LRRC7: variants seen among roughly 807,000 people sequenced by gnomAD.
LRRC7 encodes leucine-rich repeat-containing protein 7.
In LRRC7, 23 loss-of-function variants were observed where a neutral mutation model predicts 175.7. That is an observed-to-expected ratio of 0.13 (90% confidence interval 0.09 to 0.19). The LOEUF is 0.19. Ranked by LOEUF, LRRC7 falls within the 10% of genes least tolerant of loss-of-function variation. The pLI is 1.00. For missense variants in LRRC7, 1,354 were observed against 1,904.7 expected, an observed-to-expected ratio of 0.71 and a Z score of 5.38; for synonymous variants, 685 against 680.9, an observed-to-expected ratio of 1.01 and a Z score of -0.09.
intron 7 of LRRC7, among the ~76,000 whole-genome samples, chr1:69,884,827 G>T (rs1197563754): frequency 4.2e-4 from 60 of 143,432 alleles, no homozygotes; most frequent in African/African-American, 1.6e-3. Context: ...TAGCATGAAG[G>T]GTTTTTGAAT....
chr1:69,603,847 A>G (rs1388555699), intron 1 of LRRC7, among the ~76,000 whole-genome samples: 1 of 152,106 alleles, frequency 6.6e-6, no homozygotes, highest in African/African-American at 2.4e-5. Flanking sequence ...AGGAAGCACA[A>G]TAACCACTCC....
intron 7 of LRRC7, 70 bp downstream of exon 7, chr1:69,838,353 T>C: frequency 1.6e-6 from 2 of 1,267,706 alleles, no homozygotes; most frequent in Non-Finnish European, 2.3e-6. Context: ...TAACTACTTT[T>C]ATTTTGTCTG....
intron 7 of LRRC7, among the ~76,000 whole-genome samples, chr1:69,867,213 T>C (rs1685044444): frequency 6.6e-6 from 1 of 152,220 alleles, no homozygotes; most frequent in Admixed American, 6.5e-5. Context: ...CATAGGTATT[T>C]AGACATGTTA....
chr1:69,993,004 C>CT (rs1654591381), intron 10 of LRRC7, among the ~76,000 whole-genome samples: 1 of 152,120 alleles, frequency 6.6e-6, no homozygotes, highest in South Asian at 2.1e-4. Flanking sequence ...AGGCAGGACA[C>CT]TCGTCTGATC....
chr1:69,818,930 G>C (rs1174778690), intron 4 of LRRC7, among the ~76,000 whole-genome samples: 1 of 152,046 alleles, frequency 6.6e-6, no homozygotes, highest in Non-Finnish European at 1.5e-5. Context: ...TGTAGTAACA[G>C]TTGTAGTGTC....
intron 7 of LRRC7, chr1:69,919,181 C>G (rs1463490558): frequency 4.1e-6 from 1 of 244,136 alleles, no homozygotes; most frequent in Admixed American, 5.5e-5. Flanking sequence ...CCACCAGGCC[C>G]TCAGAGATAG....
chr1:69,851,932 T>G (rs1481673150), intron 7 of LRRC7, among the ~76,000 whole-genome samples: 4 of 152,156 alleles, frequency 2.6e-5, no homozygotes, highest in Admixed American at 2.6e-4. Context: ...ATAGGTTGTT[T>G]ATGGGATAGT....
intron 4 of LRRC7, among the ~76,000 whole-genome samples, chr1:69,794,574 C>A (rs1223900272): frequency 6.6e-6 from 1 of 152,164 alleles, no homozygotes; most frequent in Non-Finnish European, 1.5e-5. Flanking sequence ...ATTCACACTT[C>A]AAATTGTATT....
chr1:70,020,973 A>G, intron 15 of LRRC7, 32 bp from the exon 16 acceptor site: 3 of 1,566,854 alleles, frequency 1.9e-6, no homozygotes, highest in Non-Finnish European at 2.6e-6. Flanking sequence ...TGTTTTTTAA[A>G]AAAACAATAA....
chr1:69,710,439 G>C (rs1664623662), intron 2 of LRRC7, among the ~76,000 whole-genome samples: 2 of 152,094 alleles, frequency 1.3e-5, no homozygotes, highest in Non-Finnish European at 2.9e-5. Flanking sequence ...GTTTTGTACT[G>C]TCTATTCCTC....
chr1:69,732,637 A>G (rs1371333127), intron 2 of LRRC7, among the ~76,000 whole-genome samples: 1 of 152,120 alleles, frequency 6.6e-6, no homozygotes, highest in Non-Finnish European at 1.5e-5. Flanking sequence ...CCCATACTGA[A>G]GAAAACAGAA....
intron 11 of LRRC7, among the ~76,000 whole-genome samples, chr1:69,997,535 A>G (rs1368167851): frequency 2.6e-5 from 4 of 151,994 alleles, no homozygotes; most frequent in Non-Finnish European, 4.4e-5. Context: ...TTGGCTGTGG[A>G]TTTGTCATAG....
At chr1:69,719,992 T>G (rs1160621777) in intron 2 of LRRC7, among the ~76,000 whole-genome samples, 2 of 151,718 alleles carry the variant, frequency 1.3e-5, no homozygotes, top group African/African-American at 4.8e-5. Context: ...TCTTTCAACC[T>G]TCTGGTTCTT....
At chr1:69,880,301 T>C (rs181412361) in intron 7 of LRRC7, among the ~76,000 whole-genome samples, 70 of 152,246 alleles carry the variant, frequency 4.6e-4, no homozygotes, top group Non-Finnish European at 7.6e-4. Context: ...GTGGGCTCCT[T>C]GTGGGAGCTG....
intron 2 of LRRC7, among the ~76,000 whole-genome samples, chr1:69,686,924 T>A (rs538711447): frequency 6.6e-6 from 1 of 152,208 alleles, no homozygotes; most frequent in African/African-American, 2.4e-5. Context: ...AATACCATGC[T>A]AAATTATTTA....
At chr1:69,732,104 T>TA (rs1469081779) in intron 2 of LRRC7, among the ~76,000 whole-genome samples, 4 of 152,012 alleles carry the variant, frequency 2.6e-5, no homozygotes, top group Middle Eastern at 3.2e-3. Context: ...GACTCTCGAT[T>TA]AAAAAAAGTA....
At chr1:69,919,611 TG>T in intron 7 of LRRC7, 1 of 833,984 alleles carries the variant, frequency 1.2e-6, no homozygotes. Context: ...GCCCTGGAGC[TG>T]ATCAGCGGCT....
chr1:69,922,902 C>T (rs937617403), intron 7 of LRRC7, among the ~76,000 whole-genome samples: 16 of 151,700 alleles, frequency 1.1e-4, no homozygotes, highest in African/African-American at 3.9e-4. Context: ...TGCTGGTGTG[C>T]TGCACCCATT....
At chr1:69,858,206 G>C (rs1033925043) in intron 7 of LRRC7, among the ~76,000 whole-genome samples, 10 of 152,118 alleles carry the variant, frequency 6.6e-5, no homozygotes, top group Admixed American at 5.9e-4. Flanking sequence ...CATGGGCAAG[G>C]ACTTCATGTC....
Sources: allele counts gnomAD v4.1 joint callset (sites outside exome capture counted in the v4.1 genomes callset), GRCh38; gene constraint gnomAD v4.1.1; transcripts MANE v1.5; gene names NCBI Gene and HGNC (gene_info 2026-07-23, HGNC 2026-07-21).